Variants in TJP2 observed in about 807,000 individuals in gnomAD.
The protein encoded by TJP2 is Friedreich ataxia region gene X104 (tight junction protein ZO-2).
TJP2 carries 91 observed loss-of-function variants against 133.1 expected under a neutral mutation model. That is an observed-to-expected ratio of 0.68 (90% CI 0.58 to 0.81). The LOEUF (loss-of-function observed/expected upper bound fraction) is 0.81, where lower values mean the gene tolerates loss of function less well. TJP2 is among the 40% of genes least tolerant of loss of function. The probability of loss-of-function intolerance (pLI) is 0.00; values close to 1 mark genes in which losing one functional copy is unlikely to be tolerated. For synonymous variants in TJP2, 592 were observed against 583.4 expected (o/e 1.01, Z -0.21); for missense variants, 1,541 against 1,565.6 (o/e 0.98, Z 0.26).
At chr9:69,184,077 CTT>C in intron 1 of TJP2, among the ~76,000 whole-genome samples, 1 of 152,284 alleles carries the variant, frequency 6.6e-6, no homozygotes, top group Admixed American at 6.5e-5. Flanking sequence ...GGTGTGAATT[CTT>C]TTGTCCTGCC....
At chr9:69,239,022 T>C (rs755194913) in intron 16 of TJP2, among the ~76,000 whole-genome samples, 21 of 151,518 alleles carry the variant, frequency 1.4e-4, no homozygotes, top group Non-Finnish European at 2.7e-4. Flanking sequence ...ACCCTGTCTC[T>C]ACTAAAAATA....
At chr9:69,228,575 T>C (rs1829523861) in intron 9 of TJP2, among the ~76,000 whole-genome samples, 1 of 152,224 alleles carries the variant, frequency 6.6e-6, no homozygotes. Flanking sequence ...TATGCATGTG[T>C]GTATATATGT....
At chr9:69,139,993 G>T (rs776245754) in intron 1 of TJP2, among the ~76,000 whole-genome samples, 1 of 152,162 alleles carries the variant, frequency 6.6e-6, no homozygotes, top group Admixed American at 6.5e-5. Context: ...CGTGAGCGTT[G>T]GGGGCAGGCT....
In TJP2 at chr9:69,248,022, T is replaced by C. The variant is rs1563958995; in HGVS notation, c.2678T>C (p.Met893Thr). Residue 893 changes from methionine to threonine, a missense_variant, in exon 19 of 23, where the codon ATG becomes ACG. Transcript: ENST00000377245. Reference protein sequence around the residue: ...VWVSEGKMEGMDDDPEDRMSY... With the variant: ...VWVSEGKMEGTDDDPEDRMSY... The stretch of plus-strand genomic sequence containing the variant: ...CACAAATTCCTCTAGATGGAAGGGA[T>C]GGATGATGACCCCGAAGACCGCATG... The C allele has an allele frequency of 1.2e-6, 2 of 1,606,054 alleles. No homozygotes were observed. Among genetic ancestry groups the C allele is most frequent in the East Asian group, 4.5e-5 (2 of 44,706 alleles).
At chr9:69,155,415 G>A (rs912011161) in intron 2 of TJP2, among the ~76,000 whole-genome samples, 5 of 152,190 alleles carry the variant, frequency 3.3e-5, no homozygotes, top group Admixed American at 6.5e-5. Flanking sequence ...TACTGGGATG[G>A]ACAGACCCAG....
chr9:69,237,785 G>A, intron 14 of TJP2, 93 bp from the exon 15 acceptor site: 1 of 907,462 alleles, frequency 1.1e-6, no homozygotes, highest in Non-Finnish European at 1.8e-6. Context: ...CTTTCGTTTA[G>A]TTATGTTATC....
chr9:69,204,332 A>T (rs1827230079), intron 1 of TJP2, among the ~76,000 whole-genome samples: 1 of 152,238 alleles, frequency 6.6e-6, no homozygotes, highest in Non-Finnish European at 1.5e-5. Flanking sequence ...CATATAACAT[A>T]CACTATGGTA....
chr9:69,149,549 T>G (rs935989558), intron 1 of TJP2, among the ~76,000 whole-genome samples: 7 of 152,188 alleles, frequency 4.6e-5, no homozygotes, highest in Admixed American at 4.6e-4. Context: ...TATTTCATCG[T>G]GTAGGGAGTA....
chr9:69,191,929 GT>G (rs5898061), intron 1 of TJP2, among the ~76,000 whole-genome samples: 138,941 of 151,484 alleles, frequency 0.92, 63,737 homozygotes, highest in Middle Eastern at 0.95. Context: ...TAGAGACAGG[GT>G]TTTTGCCTTG....
At chr9:69,242,259 G>A (rs1315617136) in intron 17 of TJP2, among the ~76,000 whole-genome samples, 1 of 152,212 alleles carries the variant, frequency 6.6e-6, no homozygotes, top group East Asian at 1.9e-4. Context: ...AGGGGTCCAT[G>A]TGTGTAGAAG....
rs1420734402 is a variant in TJP2 at position 69,254,911 on chromosome 9, T to G, written c.*537T>G. On this transcript the variant is annotated 3_prime_UTR_variant, in exon 23 of 23. Coordinates refer to ENST00000377245, the MANE Select transcript of TJP2 (RefSeq NM_004817.4). ...AATGGACTAAAACATTTTGACTAAG[T>G]TTTTATACCAGCTTAATAGCTGTAG... 2.8e-6 allele frequency: 1 copy of G among 361,258 alleles called. No individual in the cohort carries two copies. Among genetic ancestry groups the G allele is most frequent in the African/African-American group, 2.1e-5 (1 of 48,066 alleles). 22.4% of individuals were successfully genotyped at this position (361,258 alleles called of 1,614,324 possible).
chr9:69,183,043 T>A (rs1362559849), intron 1 of TJP2, among the ~76,000 whole-genome samples: 1 of 152,012 alleles, frequency 6.6e-6, no homozygotes, highest in Non-Finnish European at 1.5e-5. Context: ...GTGATCCACC[T>A]GCCTCAGCCT....
Position 69,237,217 on chromosome 9 carries a change from A to G in TJP2, c.2179+81A>G. On this transcript the variant is annotated intron_variant, in intron 14 of 22. Coordinates refer to ENST00000377245, the MANE Select transcript of TJP2 (RefSeq NM_004817.4). ...CCTTTATTTTCAGACTGTATGGTCA[A>G]GTTCTAACTTATGTATGTCAGTTAT... is the stretch of plus-strand genomic sequence containing the variant. 3.3e-6 allele frequency: 5 copies of G among 1,533,274 alleles called. No homozygotes were observed. In the South Asian group the frequency reaches 3.4e-5, roughly 10 times the overall value. 95.0% of individuals were successfully genotyped at this position (1,533,274 alleles called of 1,614,324 possible). A position where few individuals can be genotyped will look rare whatever the true frequency, so the allele number is the denominator to read the frequency against.
chr9:69,206,237 GA>G (rs1324730853), intron 1 of TJP2, among the ~76,000 whole-genome samples: 1 of 152,126 alleles, frequency 6.6e-6, no homozygotes, highest in Non-Finnish European at 1.5e-5. Context: ...CTAATGGATA[GA>G]ATGTTGACAC....
Position 69,254,330 on chromosome 9 carries a change from G to T in TJP2, c.3529G>T (p.Gly1177Cys). The change falls in exon 23 of 23, where the codon GGT becomes TGT. Residue 1177 changes from glycine (G) to cysteine (C), a missense_variant. Physicochemically the swap from Gly to Cys is radical, Grantham distance 159. Coordinates refer to ENST00000377245, the MANE Select transcript of TJP2 (RefSeq NM_004817.4). ...GCAGCTGTCAGAACACTCCAAGCGC[G>T]GTTACTATGGCCAGTCTGCCCGATA... ...RQQLSEHSKR[G>C]YYGQSARYRD... 1 of 1,614,240 alleles carries T rather than the reference G, an allele frequency of 6.2e-7. No homozygotes were observed. The highest frequency in any genetic ancestry group is 8.5e-7 in the Non-Finnish European group (1 of 1,180,042).
intron 1 of TJP2, chr9:69,204,930 A>G: frequency 2.4e-6 from 3 of 1,255,088 alleles, no homozygotes; most frequent in African/African-American, 1.5e-5. Flanking sequence ...AGAGAAAGAA[A>G]GCTGTTGAAG....
At chr9:69,167,907 G>T (rs1587951640) in intron 2 of TJP2, among the ~76,000 whole-genome samples, 3 of 151,590 alleles carry the variant, frequency 2.0e-5, no homozygotes, top group Admixed American at 2.0e-4. Context: ...ATGTCTGCGT[G>T]AAAATTTGTT....
At chr9:69,128,803 G>A (rs905762287) in intron 1 of TJP2, among the ~76,000 whole-genome samples, 25 of 152,308 alleles carry the variant, frequency 1.6e-4, no homozygotes, top group Non-Finnish European at 2.5e-4. Flanking sequence ...TGGGATTACA[G>A]GCGTGAGCCA....
intron 11 of TJP2, among the ~76,000 whole-genome samples, chr9:69,231,986 G>A (rs747323867): frequency 5.3e-5 from 8 of 152,186 alleles, no homozygotes; most frequent in Non-Finnish European, 1.0e-4. Context: ...TCAGGGGCTG[G>A]GAGATTTTCT....
Sources: allele counts gnomAD v4.1 joint callset (sites outside exome capture counted in the v4.1 genomes callset), GRCh38; gene constraint gnomAD v4.1.1; transcripts MANE v1.5; gene names NCBI Gene and HGNC (gene_info 2026-07-23, HGNC 2026-07-21).